PRIM2: variants seen among roughly 807,000 people sequenced by gnomAD.
The protein encoded by PRIM2 is DNA primase subunit 2, also known as DNA primase large subunit.
Under a neutral mutation model 67.3 loss-of-function variants are expected in PRIM2, and 39 were observed. The observed-to-expected ratio is 0.58, with a 90% CI of 0.45 to 0.76. The LOEUF (loss-of-function observed/expected upper bound fraction) is 0.76, where lower values mean the gene tolerates loss of function less well. Ranked by LOEUF, PRIM2 falls within the 30% of genes least tolerant of loss-of-function variation. PRIM2 has a pLI of 0.00. For missense variants in PRIM2, 398 were observed against 598.7 expected (o/e 0.66, Z 3.50); for synonymous variants, 143 against 198.7 (o/e 0.72, Z 2.36).
chr6:57,565,000 A>G (rs1775708282), intron 10 of PRIM2, among the ~76,000 whole-genome samples: 9 of 152,180 alleles, frequency 5.9e-5, no homozygotes. Context: ...ATAGTTGGCC[A>G]TCTCCTAATT....
At chr6:57,406,069 G>A (rs1358168431) in intron 7 of PRIM2, among the ~76,000 whole-genome samples, 1 of 152,192 alleles carries the variant, frequency 6.6e-6, no homozygotes, top group Admixed American at 6.5e-5. Flanking sequence ...CTTGTCTGGG[G>A]ATTGCAGAGA....
At chr6:57,254,423 C>T in the PRIM2 span, among the ~76,000 whole-genome samples, 1 of 152,218 alleles carries the variant, frequency 6.6e-6, no homozygotes, top group Non-Finnish European at 1.5e-5. Context: ...ACTTCACCTA[C>T]TCTTTGAGCA....
chr6:57,263,662 G>T, the PRIM2 span, among the ~76,000 whole-genome samples: 1 of 152,196 alleles, frequency 6.6e-6, no homozygotes, highest in South Asian at 2.1e-4. Context: ...TACCTTCTTG[G>T]GGGGTGCAAT....
intron 10 of PRIM2, among the ~76,000 whole-genome samples, chr6:57,595,177 C>G (rs1321348568): frequency 5.3e-5 from 8 of 152,150 alleles, no homozygotes; most frequent in African/African-American, 1.9e-4. Context: ...TACAACTACT[C>G]TGGAAAATGT....
At chr6:57,235,655 A>G in the PRIM2 span, among the ~76,000 whole-genome samples, 139 of 152,284 alleles carry the variant, frequency 9.1e-4, 1 homozygote, top group African/African-American at 3.2e-3. Flanking sequence ...TGTACCTTGC[A>G]TGGCAAAAAG....
chr6:57,406,854 T>C (rs1205120739), intron 7 of PRIM2, among the ~76,000 whole-genome samples: 2 of 152,158 alleles, frequency 1.3e-5, no homozygotes, highest in African/African-American at 4.8e-5. Flanking sequence ...AAAGTACTTA[T>C]GCTCTGGTTG....
rs1195561734 is a variant in PRIM2 at position 57,538,819 on chromosome 6, A to T, written c.1020+1194A>T. Among the ~76,000 whole-genome samples, 810 of 152,194 alleles carry T rather than the reference A, an allele frequency of 5.3e-3. 6 individuals carry two copies. Among genetic ancestry groups the T allele is most frequent in the African/African-American group, 0.019 (780 of 41,512 alleles). Reference sequence around the variant, plus strand: ...CATGGCCTTTTCTCTGTGCATGTGCATCCCTGGTGTTTCTTCCTTTTCTTA... The same window carrying T: ...CATGGCCTTTTCTCTGTGCATGTGCTTCCCTGGTGTTTCTTCCTTTTCTTA... On this transcript the variant is annotated intron_variant, in intron 10 of 13. Coordinates refer to ENST00000615550, the MANE Select transcript of PRIM2 (RefSeq NM_000947.5).
At chr6:57,576,025 A>C (rs1775958595) in intron 10 of PRIM2, among the ~76,000 whole-genome samples, 2 of 151,848 alleles carry the variant, frequency 1.3e-5, no homozygotes. Flanking sequence ...TGATCCACCC[A>C]CCTCAGCCTC....
At chr6:57,638,223 CCTGCCTTACAA>C (rs1777158236) in intron 13 of PRIM2, among the ~76,000 whole-genome samples, 1 of 152,126 alleles carries the variant, frequency 6.6e-6, no homozygotes, top group Non-Finnish European at 1.5e-5. Flanking sequence ...CACCACTAGG[CCTGCCTTACAA>C]GAGCTCCTAA....
chr6:57,542,939 A>AGTTTTTTTTTTTTTTTT (rs1775194169), intron 10 of PRIM2, among the ~76,000 whole-genome samples: 2 of 71,930 alleles, frequency 2.8e-5, no homozygotes, highest in South Asian at 3.9e-4. Context: ...TGCTTATAGG[A>AGTTTTTTTTTTTTTTTT]TTTTTTTTTT....
intron 12 of PRIM2, among the ~76,000 whole-genome samples, chr6:57,629,841 TC>T (rs1370438523): frequency 6.6e-6 from 1 of 152,030 alleles, no homozygotes; most frequent in Non-Finnish European, 1.5e-5. Context: ...TCTTTTCTTT[TC>T]CTATATCTCT....
At chr6:57,426,670 G>C (rs1398204639) in intron 7 of PRIM2, among the ~76,000 whole-genome samples, 1 of 152,170 alleles carries the variant, frequency 6.6e-6, no homozygotes, top group Non-Finnish European at 1.5e-5. Context: ...CCGTTGAGGG[G>C]TGTACATAAG....
intron 12 of PRIM2, among the ~76,000 whole-genome samples, chr6:57,616,759 C>T (rs1776764443): frequency 2.0e-5 from 3 of 152,186 alleles, no homozygotes; most frequent in Admixed American, 6.5e-5. Flanking sequence ...AAGTTCCAAA[C>T]CTTTTCATCA....
the PRIM2 span, among the ~76,000 whole-genome samples, chr6:57,278,400 C>G: frequency 1.3e-5 from 2 of 152,136 alleles, no homozygotes; most frequent in Non-Finnish European, 2.9e-5. Flanking sequence ...GTCTGTTATC[C>G]AAAACCATCT....
chr6:57,457,919 A>G (rs1271366711), intron 7 of PRIM2, among the ~76,000 whole-genome samples: 1 of 152,130 alleles, frequency 6.6e-6, no homozygotes, highest in Admixed American at 6.5e-5. Context: ...CTATTCGGCC[A>G]TCTTCCTTGT....
At chr6:57,276,989 A>T in the PRIM2 span, among the ~76,000 whole-genome samples, 1 of 151,886 alleles carries the variant, frequency 6.6e-6, no homozygotes. Context: ...AAAGGAGAGG[A>T]GGAAGAGGAA....
Position 57,507,754 on chromosome 6 carries a change from G to A in PRIM2, c.761+300G>A, listed in dbSNP as rs1554347344. Among the ~76,000 whole-genome samples the A allele has an allele frequency of 9.2e-5, 14 of 152,078 alleles. 1 individual carries two copies. The South Asian group carries it at 1.0e-3, about 11-fold the overall frequency. On this transcript the variant is annotated intron_variant, in intron 8 of 13. Transcript: ENST00000615550. ...GATCTCAAATGAATGAGCTATTTAC[G>A]TAAATACAAGGTTAAGGCATACTTT...
At chr6:57,338,687 T>A (rs1213731640) in intron 5 of PRIM2, among the ~76,000 whole-genome samples, 2 of 145,734 alleles carry the variant, frequency 1.4e-5, no homozygotes, top group Non-Finnish European at 3.0e-5. Context: ...ATAAATTAGG[T>A]ATTGATGGGA....
intron 13 of PRIM2, among the ~76,000 whole-genome samples, chr6:57,643,942 C>T (rs1777290677): frequency 6.6e-6 from 1 of 152,182 alleles, no homozygotes; most frequent in Non-Finnish European, 1.5e-5. Flanking sequence ...CCAGAAAAGA[C>T]TCATGTTTCT....
Sources: allele counts gnomAD v4.1 joint callset (sites outside exome capture counted in the v4.1 genomes callset), GRCh38; gene constraint gnomAD v4.1.1; transcripts MANE v1.5; gene names NCBI Gene and HGNC (gene_info 2026-07-23, HGNC 2026-07-21).